The following TRIM71 variants were observed in gnomAD, a reference collection of about 807,000 sequenced individuals.
TRIM71 encodes the protein E3 ubiquitin-protein ligase TRIM71.
Under a neutral mutation model 61.2 loss-of-function variants are expected in TRIM71, and 9 were observed. That is an observed-to-expected ratio of 0.15 (90% CI 0.09 to 0.26). TRIM71 has a LOEUF of 0.26. Among genes scored for constraint, TRIM71 ranks in the 10% least tolerant of loss-of-function variants. The pLI, the probability that TRIM71 is intolerant of heterozygous loss-of-function variation, is 1.00. For synonymous variants in TRIM71, 645 were observed against 553.2 expected (o/e 1.17, Z -2.33); for missense variants, 998 against 1,238.7 (o/e 0.81, Z 2.92).
intron 1 of TRIM71, among the ~76,000 whole-genome samples, chr3:32,864,847 TGTGTGTG>T (rs1184875061): frequency 0.037 from 33 of 892 alleles, no homozygotes; most frequent in Non-Finnish European, 0.27. Context: ...AATTAAGTGG[TGTGTGTG>T]TGTGTGTGTG....
At chr3:32,875,021 T>C (rs184513094) in intron 2 of TRIM71, among the ~76,000 whole-genome samples, 10 of 151,772 alleles carry the variant, frequency 6.6e-5, no homozygotes, top group Admixed American at 6.6e-4. Context: ...GGGTTTCACC[T>C]TGCTGGCCAG....
At chr3:32,832,793 C>G (rs1188773235) in intron 1 of TRIM71, among the ~76,000 whole-genome samples, 7 of 152,230 alleles carry the variant, frequency 4.6e-5, no homozygotes, top group Admixed American at 4.6e-4. Context: ...CTCTTCCTCC[C>G]TTCCTAGGGG....
chr3:32,844,376 C>A (rs1281113461), intron 1 of TRIM71, among the ~76,000 whole-genome samples: 2 of 152,154 alleles, frequency 1.3e-5, no homozygotes, highest in Non-Finnish European at 2.9e-5. Flanking sequence ...GCATTTTACC[C>A]AATTGTCAGT....
intron 1 of TRIM71, among the ~76,000 whole-genome samples, chr3:32,862,412 C>A (rs560382799): frequency 1.3e-5 from 2 of 152,324 alleles, no homozygotes; most frequent in Non-Finnish European, 2.9e-5. Flanking sequence ...CTTTCTACAC[C>A]ATCTCAGCCA....
rs180811554 is a variant in TRIM71, at chr3:32,876,053, A to G, written c.1020+2068A>G. The stretch of plus-strand genomic sequence containing the variant: ...CTAATCCTGTTATTGTTATGCCAGT[A>G]TTGCTCATTGTCTTTAAAATGCCTT... On this transcript the variant is annotated intron_variant, in intron 2 of 3. Coordinates refer to ENST00000383763, the MANE Select transcript of TRIM71 (RefSeq NM_001039111.3). Among the ~76,000 whole-genome samples the G allele has an allele frequency of 4.6e-5, 7 of 152,244 alleles. No homozygotes were observed. The East Asian group carries it at 1.4e-3, about 29-fold the overall frequency.
At chr3:32,848,291 C>T (rs940306299) in intron 1 of TRIM71, among the ~76,000 whole-genome samples, 1 of 152,144 alleles carries the variant, frequency 6.6e-6, no homozygotes, top group African/African-American at 2.4e-5. Flanking sequence ...TTGTGCACCC[C>T]AGGGTAGTGT....
rs374900547 is a variant in TRIM71, at chr3:32,840,985, G to A, written c.852+22053G>A. 3.0e-4 allele frequency among the ~76,000 whole-genome samples: 45 copies of A among 152,276 alleles called. No homozygotes were observed. The South Asian group carries it at 7.3e-3, about 25-fold the overall frequency. ...AGCCTGGCTGGGCGCAGTGGCTCACGCCTGTAATCCCAGCACTTTGGGAGG... is the reference window on the plus strand; with the variant it reads ...AGCCTGGCTGGGCGCAGTGGCTCACACCTGTAATCCCAGCACTTTGGGAGG... On this transcript the variant is annotated intron_variant, in intron 1 of 3. Transcript: ENST00000383763.
Position 32,818,408 on chromosome 3 carries a change from C to G in TRIM71, c.328C>G (p.Pro110Ala). The G allele has an allele frequency of 6.8e-7, 1 of 1,477,152 alleles. No homozygotes were observed. The highest frequency in any genetic ancestry group is 1.3e-5 in the South Asian group (1 of 79,678). The allele number at this position is 1,477,152 out of a possible 1,614,324, so 91.5% of individuals were successfully genotyped here. ...LAEAAGMDAL[P>A]SSAFLLSNLL... ...CGAGGCGGCGGGTATGGACGCGCTG[C>G]CTTCGTCCGCCTTCCTGCTTAGCAA... is the stretch of plus-strand genomic sequence containing the variant. Residue 110 changes from proline to alanine, a missense_variant, in exon 1 of 4, where the codon CCT becomes GCT. Physicochemically the swap from Pro to Ala is conservative, Grantham distance 27. Around this residue, in one of 5 missense-constraint regions of TRIM71, gnomAD observed 527 missense variants for 427.8 expected, o/e 1.23. Transcript: ENST00000383763.
chr3:32,856,219 A>G (rs985846529), intron 1 of TRIM71, among the ~76,000 whole-genome samples: 4 of 152,090 alleles, frequency 2.6e-5, no homozygotes, highest in African/African-American at 4.8e-5. Context: ...GGGTTTCACC[A>G]TGTTAGCCAG....
At position 32,885,903 on chromosome 3, in the gene TRIM71, G is replaced by A. The variant is rs775613607; in HGVS notation, c.1021-31G>A. 4.4e-6 allele frequency: 7 copies of A among 1,602,956 alleles called. No homozygotes were observed. The African/African-American group carries it at 8.1e-5, about 19-fold the overall frequency. On this transcript the variant is annotated intron_variant, in intron 2 of 3. Transcript: ENST00000383763. Reference sequence around the variant, plus strand: ...TATAAGGAATGACAGTCCTTCTAATGCCTCGAAGTTGTTTCTTTTTGGTTT... The same window carrying A: ...TATAAGGAATGACAGTCCTTCTAATACCTCGAAGTTGTTTCTTTTTGGTTT...
rs115065566 is a variant in TRIM71 at position 32,828,248 on chromosome 3, G to A, written c.852+9316G>A. Among the ~76,000 whole-genome samples the A allele has an allele frequency of 8.8e-3, 1,345 of 152,216 alleles. 27 individuals are homozygous for A. Among genetic ancestry groups the A allele is most frequent in the African/African-American group, 0.031 (1,274 of 41,526 alleles). ...TTGTACTGAAAATGCTTCCAGAAAT[G>A]TTGTAGATAAGCATTGAGCAGGAGA... On this transcript the variant is annotated intron_variant, in intron 1 of 3. Coordinates refer to ENST00000383763, the MANE Select transcript of TRIM71 (RefSeq NM_001039111.3).
intron 1 of TRIM71, among the ~76,000 whole-genome samples, chr3:32,861,460 C>T (rs1055821163): frequency 4.8e-5 from 7 of 146,352 alleles, no homozygotes; most frequent in Non-Finnish European, 7.5e-5. Context: ...TGGCCAGGCG[C>T]GGTGGCTCAC....
Position 32,818,194 on chromosome 3 carries a change from G to A in TRIM71, c.114G>A (p.Thr38=), listed in dbSNP as rs1356915010. Reference sequence around the variant, plus strand: ...CCGCGTCGTCGTCCTCCTCGCAGACGTCCACGTCGTCGGGGGGCGGCGGCG... The same window carrying A: ...CCGCGTCGTCGTCCTCCTCGCAGACATCCACGTCGTCGGGGGGCGGCGGCG... ...NSSASSSSSQ[T]STSSGGGGGG... Residue 38 remains threonine, a synonymous_variant, in exon 1 of 4, where the codon ACG becomes ACA. Coordinates refer to ENST00000383763, the MANE Select transcript of TRIM71 (RefSeq NM_001039111.3). The A allele has an allele frequency of 2.5e-6, 4 of 1,578,054 alleles. No homozygotes were observed. The highest frequency in any genetic ancestry group is 1.4e-5 in the African/African-American group (1 of 71,958).
chr3:32,822,636 C>T (rs986381510), intron 1 of TRIM71, among the ~76,000 whole-genome samples: 1 of 149,978 alleles, frequency 6.7e-6, no homozygotes, highest in Admixed American at 6.6e-5. Flanking sequence ...TGCATATACT[C>T]AGTGTATGCA....
chr3:32,831,410 TTA>T (rs1417230664), intron 1 of TRIM71, among the ~76,000 whole-genome samples: 6 of 152,128 alleles, frequency 3.9e-5, no homozygotes, highest in Non-Finnish European at 8.8e-5. Context: ...CTAGAAAAAT[TTA>T]TATTGTAATG....
chr3:32,835,489 G>A (rs902684058), intron 1 of TRIM71, among the ~76,000 whole-genome samples: 1 of 151,992 alleles, frequency 6.6e-6, no homozygotes, highest in African/African-American at 2.4e-5. Context: ...GGGAGGGAAG[G>A]GGTTACAATT....
chr3:32,842,337 T>C (rs970121722), intron 1 of TRIM71, among the ~76,000 whole-genome samples: 25 of 152,212 alleles, frequency 1.6e-4, no homozygotes, highest in African/African-American at 6.0e-4. Flanking sequence ...CTTTCATGAC[T>C]CAAGCTTGCC....
intron 1 of TRIM71, among the ~76,000 whole-genome samples, chr3:32,836,685 CT>C (rs1281278265): frequency 6.6e-6 from 1 of 151,760 alleles, no homozygotes; most frequent in Non-Finnish European, 1.5e-5. Flanking sequence ...TCCTTTTTTT[CT>C]TTGTACCTTA....
In TRIM71 at chr3:32,890,755, C is replaced by T. The variant is rs535520084; in HGVS notation, c.1551C>T (p.Arg517=). The change falls in exon 4 of 4, where the codon CGC becomes CGT. Residue 517 remains arginine, a synonymous_variant. Coordinates refer to ENST00000383763, the MANE Select transcript of TRIM71 (RefSeq NM_001039111.3). This position sits in a 1 kb window ranked among gnomAD's most constrained non-coding sequence, Gnocchi z 6.2. The part of the protein sequence containing the change: ...VIGYDHDGEP[R]LSGGDLMSAV... ...GTTATGACCACGATGGTGAGCCCCG[C>T]CTCTCAGGAGGCGACCTGATGTCGG... is the stretch of plus-strand genomic sequence containing the variant. 5 of 1,614,122 alleles carry T rather than the reference C, an allele frequency of 3.1e-6. No homozygotes were observed. In the African/African-American group the frequency reaches 5.3e-5, roughly 17 times the overall value.
Sources: allele counts gnomAD v4.1 joint callset (sites outside exome capture counted in the v4.1 genomes callset), GRCh38; gene constraint gnomAD v4.1.1; regional missense constraint gnomAD v4.1.1; non-coding constraint Gnocchi (gnomAD v3.1); transcripts MANE v1.5; gene names NCBI Gene and HGNC (gene_info 2026-07-23, HGNC 2026-07-21).